The following PAPPA2 variants were observed in gnomAD, a reference collection of about 807,000 sequenced individuals.
PAPPA2 encodes pappalysin-2.
PAPPA2 carries 86 observed loss-of-function variants against 176.4 expected under a neutral mutation model. The ratio of observed to expected loss-of-function variants is 0.49; its 90% CI spans 0.41 to 0.58. The LOEUF (loss-of-function observed/expected upper bound fraction) is 0.58, where lower values mean the gene tolerates loss of function less well. PAPPA2 is among the 20% of genes least tolerant of loss of function. PAPPA2 has a pLI of 0.00. For missense variants in PAPPA2, 2,073 were observed against 2,256.9 expected, an observed-to-expected ratio of 0.92 and a Z score of 1.65; for synonymous variants, 809 against 852.2, an observed-to-expected ratio of 0.95 and a Z score of 0.88.
intron 17 of PAPPA2, among the ~76,000 whole-genome samples, chr1:176,775,957 C>T (rs1664443065): frequency 6.6e-6 from 1 of 152,052 alleles, no homozygotes; most frequent in Admixed American, 6.6e-5. Flanking sequence ...ATTGTAACTC[C>T]AAGGAGGTTG....
chr1:176,772,942 G>A (rs970662462), intron 17 of PAPPA2, among the ~76,000 whole-genome samples: 2 of 152,004 alleles, frequency 1.3e-5, no homozygotes, highest in Admixed American at 1.3e-4. Context: ...AAATGACCAG[G>A]GGGCCAGAGA....
chr1:176,527,192 A>G (rs1371588505), intron 1 of PAPPA2, among the ~76,000 whole-genome samples: 1 of 152,234 alleles, frequency 6.6e-6, no homozygotes, highest in African/African-American at 2.4e-5. Flanking sequence ...GTATCGAAGA[A>G]GAACAGGTTG....
intron 15 of PAPPA2, among the ~76,000 whole-genome samples, chr1:176,767,405 T>C (rs1467943978): frequency 6.6e-6 from 1 of 152,154 alleles, no homozygotes; most frequent in East Asian, 1.9e-4. Context: ...AATGGCACGA[T>C]CTCAGCTCAC....
intron 14 of PAPPA2, among the ~76,000 whole-genome samples, chr1:176,743,172 G>A (rs181561050): frequency 2.1e-3 from 326 of 152,242 alleles, no homozygotes; most frequent in African/African-American, 7.6e-3. Flanking sequence ...GATTACAAAT[G>A]TACTGGGGTT....
chr1:176,705,154 T>G (rs1297052833), intron 9 of PAPPA2, among the ~76,000 whole-genome samples: 1 of 152,302 alleles, frequency 6.6e-6, no homozygotes, highest in South Asian at 2.1e-4. Context: ...ACTTCTTGGA[T>G]ATAGCACACA....
chr1:176,620,073 A>C (rs1046649544), intron 3 of PAPPA2, among the ~76,000 whole-genome samples: 2 of 152,222 alleles, frequency 1.3e-5, no homozygotes, highest in Non-Finnish European at 2.9e-5. Flanking sequence ...CCAAGGCACT[A>C]GCAAATTCAG....
intron 5 of PAPPA2, 186 bp downstream of exon 5, chr1:176,690,616 A>G: frequency 7.1e-7 from 1 of 1,400,892 alleles, no homozygotes; most frequent in Non-Finnish European, 9.3e-7. Context: ...AGAAATACTG[A>G]CATATTAAGG....
chr1:176,556,742 G>T lies in PAPPA2; in HGVS notation c.420G>T (p.Leu140=), dbSNP rs1431414457. Reference sequence around the variant, plus strand: ...ATAGTCCTATTGGGCAATCTGAGCTGCTGGGAGATGATGACGCTTATCTCG... The same window carrying T: ...ATAGTCCTATTGGGCAATCTGAGCTTCTGGGAGATGATGACGCTTATCTCG... ...VGDSPIGQSE[L]LGDDDAYLGN... Residue 140 remains leucine (L), a synonymous_variant, in exon 2 of 23, where the codon CTG becomes CTT. Coordinates refer to ENST00000367662, the MANE Select transcript of PAPPA2 (RefSeq NM_020318.3). The T allele has an allele frequency of 1.7e-5, 28 of 1,614,016 alleles. No individual in the cohort carries two copies. The highest frequency in any genetic ancestry group is 2.4e-5 in the Non-Finnish European group (28 of 1,179,996).
At chr1:176,721,647 AT>A (rs1661623347) in intron 12 of PAPPA2, among the ~76,000 whole-genome samples, 2 of 151,948 alleles carry the variant, frequency 1.3e-5, no homozygotes, top group Admixed American at 1.3e-4. Flanking sequence ...TCTGATATAT[AT>A]TTCTTTGAAG....
intron 21 of PAPPA2, among the ~76,000 whole-genome samples, chr1:176,833,060 C>T (rs1416170002): frequency 1.3e-5 from 2 of 152,156 alleles, no homozygotes; most frequent in African/African-American, 2.4e-5. Context: ...CAAGTAGACG[C>T]GCAGTCGGCA....
At chr1:176,790,083 G>A (rs960351233) in intron 18 of PAPPA2, 106 bp downstream of exon 18, 32 of 1,315,818 alleles carry the variant, frequency 2.4e-5, no homozygotes, top group Non-Finnish European at 3.1e-5. Flanking sequence ...CAACAGGCAG[G>A]GACTTGGGAT....
rs539565736 is a variant in PAPPA2, at chr1:176,836,099, C to T, written c.5203-4074C>T. ...TAGTGCACAGATTTGTGTAGATTTACAGAGAACTTCTATTTGCTGCAAGAA... is the reference window on the plus strand; with the variant it reads ...TAGTGCACAGATTTGTGTAGATTTATAGAGAACTTCTATTTGCTGCAAGAA... On this transcript the variant is annotated intron_variant, in intron 21 of 22. Transcript: ENST00000367662. Among the ~76,000 whole-genome samples, 15 of 152,028 alleles carry T rather than the reference C, an allele frequency of 9.9e-5. No homozygotes were observed. The South Asian group carries it at 3.1e-3, about 32-fold the overall frequency.
chr1:176,703,932 T>C (rs1381789201), intron 9 of PAPPA2, among the ~76,000 whole-genome samples: 1 of 152,130 alleles, frequency 6.6e-6, no homozygotes, highest in East Asian at 1.9e-4. Flanking sequence ...CTGTTGTTGT[T>C]TTCTCTGTTT....
At chr1:176,580,237 G>C (rs572507890) in intron 2 of PAPPA2, among the ~76,000 whole-genome samples, 8 of 152,196 alleles carry the variant, frequency 5.3e-5, no homozygotes, top group Admixed American at 2.6e-4. Flanking sequence ...TTAAGCTTCT[G>C]CATATGAATG....
chr1:176,491,637 A>G (rs1647296641), intron 1 of PAPPA2, among the ~76,000 whole-genome samples: 2 of 152,250 alleles, frequency 1.3e-5, no homozygotes, highest in African/African-American at 4.8e-5. Flanking sequence ...CATGAGAAAA[A>G]TAAACATTGT....
intron 20 of PAPPA2, among the ~76,000 whole-genome samples, chr1:176,797,630 G>T (rs903355259): frequency 4.0e-5 from 6 of 151,780 alleles, no homozygotes; most frequent in African/African-American, 1.5e-4. Context: ...CTGGGTGACT[G>T]AGACTGTCTC....
chr1:176,798,546 G>T (rs1013873034), intron 20 of PAPPA2, among the ~76,000 whole-genome samples: 4 of 152,184 alleles, frequency 2.6e-5, no homozygotes, highest in Non-Finnish European at 5.9e-5. Context: ...CCCCAAAGTA[G>T]TACAAACCAT....
At chr1:176,479,816 C>T (rs1008785125) in intron 1 of PAPPA2, among the ~76,000 whole-genome samples, 1 of 152,218 alleles carries the variant, frequency 6.6e-6, no homozygotes, top group East Asian at 1.9e-4. Flanking sequence ...GAAGCCTCAG[C>T]ATGCAAGGTA....
At chr1:176,738,383 CA>C (rs1662516981) in intron 12 of PAPPA2, among the ~76,000 whole-genome samples, 1 of 152,042 alleles carries the variant, frequency 6.6e-6, no homozygotes. Flanking sequence ...CTAATTAAGC[CA>C]GCAGTGCAAA....
Sources: gnomAD v4.1 joint callset for allele counts (sites outside exome capture counted in the v4.1 genomes callset) on GRCh38, gnomAD v4.1.1 for gene constraint, MANE v1.5 for transcripts, NCBI Gene and HGNC (gene_info 2026-07-23, HGNC 2026-07-21) for gene names.